The following SIPA1L3 variants were observed in gnomAD, a reference collection of about 807,000 sequenced individuals.
SIPA1L3 encodes the protein signal induced proliferation associated 1 like 3, also known as signal-induced proliferation-associated 1-like protein 3.
A neutral mutation model predicts 150.1 loss-of-function variants in SIPA1L3; 59 were observed. The observed-to-expected ratio is 0.39, with a 90% CI of 0.32 to 0.49. The LOEUF (loss-of-function observed/expected upper bound fraction) is 0.49, where lower values mean the gene tolerates loss of function less well. Ranked by LOEUF, SIPA1L3 falls within the 20% of genes least tolerant of loss-of-function variation. The pLI, the probability that SIPA1L3 is intolerant of heterozygous loss-of-function variation, is 0.86. For missense variants in SIPA1L3, 2,211 were observed against 2,489.5 expected, an observed-to-expected ratio of 0.89 and a Z score of 2.38; for synonymous variants, 1,070 against 1,077.6, an observed-to-expected ratio of 0.99 and a Z score of 0.14.
chr19:38,120,465 C>T (rs998399602), intron 9 of SIPA1L3, among the ~76,000 whole-genome samples: 3 of 151,886 alleles, frequency 2.0e-5, no homozygotes, highest in African/African-American at 7.3e-5. Flanking sequence ...GTATGAGACC[C>T]TGTCTCAAAA....
intron 1 of SIPA1L3, among the ~76,000 whole-genome samples, chr19:37,930,334 C>A (rs935166032): frequency 9.3e-5 from 14 of 150,318 alleles, no homozygotes; most frequent in African/African-American, 3.4e-4. Context: ...ATTTTTTAAT[C>A]ATTCATAGAG....
intron 2 of SIPA1L3, among the ~76,000 whole-genome samples, chr19:38,070,745 T>C (rs1457300095): frequency 1.3e-5 from 2 of 152,224 alleles, no homozygotes; most frequent in Non-Finnish European, 2.9e-5. Context: ...TCTTCCTGGA[T>C]AAACAAATGA....
rs556325670 is a variant in SIPA1L3, at chr19:37,974,697, A to T, written c.-378-54392A>T. ...TCGTGAATCTTTGTTACTGATGATG[A>T]CTTTTGAGTTGACGTGATTGTGCCA... On this transcript the variant is annotated intron_variant, in intron 1 of 21. Coordinates refer to ENST00000222345, the MANE Select transcript of SIPA1L3 (RefSeq NM_015073.3). Among the ~76,000 whole-genome samples, 10 of 152,056 alleles carry T rather than the reference A, an allele frequency of 6.6e-5. No homozygotes were observed. The South Asian group carries it at 8.3e-4, about 13-fold the overall frequency.
intron 2 of SIPA1L3, among the ~76,000 whole-genome samples, chr19:38,072,896 G>A (rs1969754881): frequency 6.6e-6 from 1 of 152,226 alleles, no homozygotes; most frequent in Non-Finnish European, 1.5e-5. Context: ...AAGACACCAA[G>A]GCTGTGGGGC....
chr19:37,931,046 G>A (rs1472402799), intron 1 of SIPA1L3, among the ~76,000 whole-genome samples: 5 of 152,188 alleles, frequency 3.3e-5, no homozygotes, highest in African/African-American at 4.8e-5. Context: ...GATGGTAAGA[G>A]CCTTTCTTAA....
At chr19:37,915,977 C>G (rs1007956355) in intron 1 of SIPA1L3, among the ~76,000 whole-genome samples, 1 of 150,856 alleles carries the variant, frequency 6.6e-6, no homozygotes, top group African/African-American at 2.4e-5. Flanking sequence ...TACTTCAGAC[C>G]AGAAGTTCAA....
At chr19:38,154,240 C>T (rs1042284353) in intron 13 of SIPA1L3, among the ~76,000 whole-genome samples, 1 of 152,142 alleles carries the variant, frequency 6.6e-6, no homozygotes, top group Non-Finnish European at 1.5e-5. Flanking sequence ...TGAGTGGTAT[C>T]CCCCGTTGTA....
At chr19:38,159,542 T>A (rs899861946) in intron 13 of SIPA1L3, among the ~76,000 whole-genome samples, 4 of 152,204 alleles carry the variant, frequency 2.6e-5, no homozygotes, top group Admixed American at 1.3e-4. Context: ...GAACAAGAGC[T>A]CCTGCCCATC....
intron 13 of SIPA1L3, among the ~76,000 whole-genome samples, chr19:38,161,317 G>C (rs1245297846): frequency 6.8e-6 from 1 of 147,246 alleles, no homozygotes; most frequent in East Asian, 2.0e-4. Flanking sequence ...CTCTAGCCTG[G>C]GTGACAGAGC....
intron 1 of SIPA1L3, among the ~76,000 whole-genome samples, chr19:37,970,390 A>G (rs1056147495): frequency 2.0e-5 from 3 of 152,288 alleles, no homozygotes; most frequent in South Asian, 4.1e-4. Context: ...CCTCTTAGTC[A>G]TCTCCTATCT....
Position 38,000,877 on chromosome 19 carries a change from T to TTA in SIPA1L3, c.-378-28198_-378-28197dup, listed in dbSNP as rs765549740. 2.1e-3 allele frequency among the ~76,000 whole-genome samples: 295 copies of TTA among 143,574 alleles called. 2 individuals carry two copies. The highest frequency in any genetic ancestry group is 0.018 in the East Asian group (90 of 4,970). 94.2% of individuals were successfully genotyped at this position (143,574 alleles called of 152,430 possible). ...TTTGTACATTTATGTTCCAAGTTTT[T>TTA]TATATATATATATATGTTATATATA... On this transcript the variant is annotated intron_variant, in intron 1 of 21. Transcript: ENST00000222345.
In SIPA1L3 at chr19:38,085,497, A is replaced by C. The variant is rs1050746275; in HGVS notation, c.1534+2398A>C. On this transcript the variant is annotated intron_variant, in intron 3 of 21. Coordinates refer to ENST00000222345, the MANE Select transcript of SIPA1L3 (RefSeq NM_015073.3). The stretch of plus-strand genomic sequence containing the variant: ...TCCGTCTCAAAAAAAAAAAAAAAAA[A>C]AAGAAGTTCCAGACAGTTGCTTACA... 5.3e-5 allele frequency among the ~76,000 whole-genome samples: 8 copies of C among 152,088 alleles called. 1 individual carries two copies. The South Asian group carries it at 1.7e-3, about 32-fold the overall frequency.
intron 19 of SIPA1L3, among the ~76,000 whole-genome samples, chr19:38,199,041 C>G (rs1973029707): frequency 6.6e-6 from 1 of 152,216 alleles, no homozygotes; most frequent in Admixed American, 6.5e-5. Flanking sequence ...GAGCGGAAGA[C>G]TTTTAGTGCC....
In SIPA1L3 at chr19:38,072,297, G is replaced by T. The variant is rs561605183; in HGVS notation, c.-310-8959G>T. Among the ~76,000 whole-genome samples, 16 of 152,332 alleles carry T rather than the reference G, an allele frequency of 1.1e-4. No individual in the cohort carries two copies. The South Asian group carries it at 3.3e-3, about 32-fold the overall frequency. On this transcript the variant is annotated intron_variant, in intron 2 of 21. Coordinates refer to ENST00000222345, the MANE Select transcript of SIPA1L3 (RefSeq NM_015073.3). ...ACATAGCAATTGACAGGTGTGAAGT[G>T]CTCTGGAAAGGACCTGGACCATAGA...
At chr19:38,170,653 G>A (rs1972308400) in intron 15 of SIPA1L3, among the ~76,000 whole-genome samples, 1 of 152,190 alleles carries the variant, frequency 6.6e-6, no homozygotes, top group African/African-American at 2.4e-5. Flanking sequence ...TGGTACGGAC[G>A]GAGGCCCATG....
At position 38,134,403 on chromosome 19, in the gene SIPA1L3, CAAAAA is replaced by C. The variant is rs1175309814; in HGVS notation, c.3143+3651_3143+3655del. Among the ~76,000 whole-genome samples, 116 of 64,054 alleles carry C rather than the reference CAAAAA, an allele frequency of 1.8e-3. 1 individual carries two copies. Among genetic ancestry groups the C allele is most frequent in the African/African-American group, 5.9e-3 (103 of 17,466 alleles). The allele number at this position is 64,054 out of a possible 152,430, so 42.0% of individuals were successfully genotyped here. ...TCACACCACTGCACTCAAGCTTTCTCAAAAAAAAAAAAAAAAAAAAAAAAGCCAGG... is the reference window on the plus strand; with the variant it reads ...TCACACCACTGCACTCAAGCTTTCTCAAAAAAAAAAAAAAAAAAAGCCAGG... On this transcript the variant is annotated intron_variant, in intron 10 of 21. Transcript: ENST00000222345.
In SIPA1L3 at chr19:38,193,702, C is replaced by G; in HGVS notation, c.4762C>G (p.Arg1588Gly). The G allele has an allele frequency of 6.4e-7, 1 of 1,571,792 alleles. No individual in the cohort carries two copies. Among genetic ancestry groups the G allele is most frequent in the African/African-American group, 1.4e-5 (1 of 73,566 alleles). Reference protein sequence around the residue: ...AFPSSTLPARRQHQHPHPPVG... With the variant: ...AFPSSTLPARGQHQHPHPPVG... ...CCCGTCCAGCACGCTGCCTGCACGC[C>G]GCCAGCACCAGCACCCCCACCCGCC... Residue 1588 changes from arginine to glycine, a missense_variant, in exon 18 of 22, where the codon CGC becomes GGC. By Grantham distance (125) the Arg-to-Gly change is moderately radical (BLOSUM62 -2). Coordinates refer to ENST00000222345, the MANE Select transcript of SIPA1L3 (RefSeq NM_015073.3).
rs138385304 is a variant in SIPA1L3, at chr19:38,106,622, C to T, written c.2115C>T (p.Thr705=). The T allele has an allele frequency of 6.6e-5, 106 of 1,612,524 alleles. No individual in the cohort carries two copies. Among genetic ancestry groups the T allele is most frequent in the Non-Finnish European group, 8.4e-5 (99 of 1,178,548 alleles). Residue 705 remains threonine, a synonymous_variant, in exon 7 of 22, where the codon ACC becomes ACT. Coordinates refer to ENST00000222345, the MANE Select transcript of SIPA1L3 (RefSeq NM_015073.3). ...ATGTCTCCACCCTGCTCCCTTACAC[C>T]CCCAACAACAGGCAGCAGGTCAGTG... ...MFHVSTLLPY[T]PNNRQQLLRK...
At chr19:38,202,203 C>T (rs1051134134) in intron 20 of SIPA1L3, among the ~76,000 whole-genome samples, 10 of 152,340 alleles carry the variant, frequency 6.6e-5, no homozygotes, top group Admixed American at 2.0e-4. Context: ...GTGACCAAGA[C>T]AGACTCTGCC....
Sources: gnomAD v4.1 joint callset for allele counts (sites outside exome capture counted in the v4.1 genomes callset) on GRCh38, gnomAD v4.1.1 for gene constraint, MANE v1.5 for transcripts, NCBI Gene and HGNC (gene_info 2026-07-23, HGNC 2026-07-21) for gene names.